Variants in NAALADL2 observed in about 807,000 individuals in gnomAD.
The protein encoded by NAALADL2 is N-acetylated alpha-linked acidic dipeptidase like 2, also known as inactive N-acetylated-alpha-linked acidic dipeptidase-like protein 2.
A neutral mutation model predicts 87.2 loss-of-function variants in NAALADL2; 76 were observed. That is an observed-to-expected ratio of 0.87 (90% CI 0.72 to 1.05). The LOEUF (loss-of-function observed/expected upper bound fraction) is 1.05. NAALADL2 is among the 50% of genes least tolerant of loss of function. The probability of loss-of-function intolerance (pLI) is 0.00; values close to 1 mark genes in which losing one functional copy is unlikely to be tolerated. For missense variants in NAALADL2, 1,089 were observed against 945.8 expected (o/e 1.15, Z -1.99); for synonymous variants, 354 against 331.0 (o/e 1.07, Z -0.75).
intron 6 of NAALADL2, among the ~76,000 whole-genome samples, chr3:175,456,844 T>C (rs1404054020): frequency 6.6e-6 from 1 of 152,088 alleles, no homozygotes. Flanking sequence ...TTGCATCAAG[T>C]TGTCAAATCC....
At chr3:174,615,938 A>C (rs1484231528) in intron 2 of NAALADL2, among the ~76,000 whole-genome samples, 2 of 152,092 alleles carry the variant, frequency 1.3e-5, no homozygotes, top group African/African-American at 2.4e-5. Flanking sequence ...TCAAATTCTT[A>C]TACAGTACAT....
chr3:175,057,372 G>A (rs543863861), intron 1 of NAALADL2, among the ~76,000 whole-genome samples: 4 of 152,100 alleles, frequency 2.6e-5, no homozygotes, highest in Admixed American at 1.3e-4. Context: ...TGTATTCTTA[G>A]AGCTCAAGAT....
intron 2 of NAALADL2, among the ~76,000 whole-genome samples, chr3:175,153,932 T>C (rs920832475): frequency 2.0e-5 from 3 of 152,188 alleles, no homozygotes; most frequent in Non-Finnish European, 2.9e-5. Context: ...CTGATTAAAA[T>C]TTTAAAACCA....
intron 5 of NAALADL2, among the ~76,000 whole-genome samples, chr3:175,374,532 C>A (rs114986187): frequency 1.8e-5 from 2 of 109,220 alleles, no homozygotes; most frequent in African/African-American, 3.5e-5. Context: ...TGACAGAGTG[C>A]TGAGTACCAC....
intron 2 of NAALADL2, among the ~76,000 whole-genome samples, chr3:174,645,701 C>A (rs1039663627): frequency 1.3e-5 from 2 of 152,114 alleles, no homozygotes; most frequent in African/African-American, 4.8e-5. Context: ...GCAAGGCTCT[C>A]ATAAGTTAAA....
intron 3 of NAALADL2, among the ~76,000 whole-genome samples, chr3:174,822,143 A>G (rs943433674): frequency 3.5e-5 from 5 of 144,726 alleles, no homozygotes; most frequent in Non-Finnish European, 7.5e-5. Context: ...ACACAGAAAT[A>G]GTTCTCAGTG....
At chr3:174,491,707 A>ACATAT (rs1270272563) in intron 1 of NAALADL2, among the ~76,000 whole-genome samples, 1 of 152,144 alleles carries the variant, frequency 6.6e-6, no homozygotes, top group Non-Finnish European at 1.5e-5. Flanking sequence ...AATTTTCCTA[A>ACATAT]CATATCATAT....
At chr3:175,224,624 C>T (rs2109382179) in intron 2 of NAALADL2, among the ~76,000 whole-genome samples, 1 of 152,216 alleles carries the variant, frequency 6.6e-6, no homozygotes, top group East Asian at 1.9e-4. Context: ...CTTCTGGTAT[C>T]ATGGATAATT....
intron 2 of NAALADL2, among the ~76,000 whole-genome samples, chr3:174,617,633 G>A (rs1720588015): frequency 6.6e-6 from 1 of 151,620 alleles, no homozygotes; most frequent in African/African-American, 2.4e-5. Context: ...TTAGACCTAT[G>A]TCTACAGAGT....
rs114346758 is a variant in NAALADL2 at position 175,556,775 on chromosome 3, G to A, written c.1654-19266G>A. Among the ~76,000 whole-genome samples the A allele has an allele frequency of 6.8e-3, 1,029 of 152,256 alleles. 13 individuals carry two copies. The highest frequency in any genetic ancestry group is 0.024 in the African/African-American group (983 of 41,538). On this transcript the variant is annotated intron_variant, in intron 9 of 13. Transcript: ENST00000454872. ...TATCTTAACTGTTTTTAGAATAGTAGCAATTCACTTGATTTCTCTAATCTC... is the reference window on the plus strand; with the variant it reads ...TATCTTAACTGTTTTTAGAATAGTAACAATTCACTTGATTTCTCTAATCTC...
At chr3:175,504,447 G>T (rs1729981352) in intron 9 of NAALADL2, among the ~76,000 whole-genome samples, 1 of 152,112 alleles carries the variant, frequency 6.6e-6, no homozygotes, top group Admixed American at 6.6e-5. Context: ...TGGAGATAGG[G>T]TCTATAGGAG....
At chr3:175,130,272 A>AT (rs543898194) in intron 2 of NAALADL2, among the ~76,000 whole-genome samples, 182 of 152,062 alleles carry the variant, frequency 1.2e-3, no homozygotes, top group African/African-American at 4.2e-3. Context: ...TTACAAATAC[A>AT]TTTTTTTCCC....
chr3:175,045,155 C>T (rs1408129044), intron 1 of NAALADL2, among the ~76,000 whole-genome samples: 2 of 151,874 alleles, frequency 1.3e-5, no homozygotes, highest in African/African-American at 2.4e-5. Context: ...TTCATAAAGG[C>T]CTTTAGGATT....
At chr3:175,350,129 A>T (rs1763608669) in intron 5 of NAALADL2, among the ~76,000 whole-genome samples, 1 of 150,036 alleles carries the variant, frequency 6.7e-6, no homozygotes, top group African/African-American at 2.4e-5. Flanking sequence ...TATTCTTGGC[A>T]ATGTGTTTTT....
intron 9 of NAALADL2, among the ~76,000 whole-genome samples, chr3:175,554,622 A>G (rs1391798125): frequency 6.6e-6 from 1 of 152,106 alleles, no homozygotes; most frequent in Non-Finnish European, 1.5e-5. Context: ...GTCAAAGGAT[A>G]AGAATATCTT....
intron 2 of NAALADL2, among the ~76,000 whole-genome samples, chr3:175,146,517 TAAATC>T (rs1560088521): frequency 6.6e-6 from 1 of 152,106 alleles, no homozygotes; most frequent in African/African-American, 2.4e-5. Flanking sequence ...AAATTGTAGA[TAAATC>T]AGAGATGAAA....
chr3:175,016,259 T>TATATATA, intron 1 of NAALADL2, among the ~76,000 whole-genome samples: 1 of 118,994 alleles, frequency 8.4e-6, no homozygotes, highest in Non-Finnish European at 1.8e-5. Context: ...GATAAATTAT[T>TATATATA]TATATATATA....
chr3:174,629,844 G>A (rs1338275964), intron 2 of NAALADL2, among the ~76,000 whole-genome samples: 3 of 152,178 alleles, frequency 2.0e-5, no homozygotes, highest in Non-Finnish European at 2.9e-5. Flanking sequence ...TAAGTATGTA[G>A]TTCTTGATAA....
chr3:175,495,089 TATA>T (rs1215809258), intron 9 of NAALADL2, among the ~76,000 whole-genome samples: 2 of 142,576 alleles, frequency 1.4e-5, no homozygotes, highest in African/African-American at 5.1e-5. Flanking sequence ...TATATATATA[TATA>T]TTTTTTTTTA....
Sources: allele counts gnomAD v4.1 joint callset (sites outside exome capture counted in the v4.1 genomes callset), GRCh38; gene constraint gnomAD v4.1.1; transcripts MANE v1.5; gene names NCBI Gene and HGNC (gene_info 2026-07-23, HGNC 2026-07-21).